Variants in NRXN3 observed in about 807,000 individuals in gnomAD.
NRXN3 encodes the protein neurexin III.
NRXN3 carries 32 observed loss-of-function variants against 137.6 expected under a neutral mutation model. The ratio of observed to expected loss-of-function variants is 0.23; its 90% CI spans 0.18 to 0.31. The LOEUF is 0.31. Ranked by LOEUF, NRXN3 falls within the 10% of genes least tolerant of loss-of-function variation. The pLI is 1.00. For missense variants in NRXN3, 1,574 were observed against 2,062.5 expected (o/e 0.76, Z 4.59); for synonymous variants, 798 against 784.5 (o/e 1.02, Z -0.29).
intron 6 of NRXN3, among the ~76,000 whole-genome samples, chr14:78,669,180 G>A (rs892827945): frequency 2.0e-5 from 3 of 152,126 alleles, no homozygotes; most frequent in Non-Finnish European, 4.4e-5. Context: ...AGAGAGAATA[G>A]CGTCAGTAAA....
intron 6 of NRXN3, among the ~76,000 whole-genome samples, chr14:78,677,342 A>G (rs2098018804): frequency 6.6e-6 from 1 of 152,152 alleles, no homozygotes; most frequent in African/African-American, 2.4e-5. Context: ...TGAGGTTTGG[A>G]AGAAGTTGAT....
intron 15 of NRXN3, among the ~76,000 whole-genome samples, chr14:79,113,109 C>G (rs7141534): frequency 0.054 from 8,294 of 152,202 alleles, 678 homozygotes; most frequent in African/African-American, 0.18. Context: ...CCATTCCTAT[C>G]TTATGCCTGC....
intron 4 of NRXN3, among the ~76,000 whole-genome samples, chr14:78,309,027 A>G (rs1338280501): frequency 6.6e-6 from 1 of 152,130 alleles, no homozygotes; most frequent in Non-Finnish European, 1.5e-5. Flanking sequence ...TGATGAAAGG[A>G]CTGTGAAACT....
chr14:78,500,231 T>C (rs920008377), intron 4 of NRXN3, among the ~76,000 whole-genome samples: 10 of 152,208 alleles, frequency 6.6e-5, no homozygotes, highest in Non-Finnish European at 7.3e-5. Flanking sequence ...TTTTAAGTTT[T>C]CTAGAAATGT....
At chr14:79,406,894 A>G (rs1190425050) in intron 15 of NRXN3, among the ~76,000 whole-genome samples, 2 of 152,194 alleles carry the variant, frequency 1.3e-5, no homozygotes, top group African/African-American at 2.4e-5. Context: ...ATTCACCAGT[A>G]TTACTACAGC....
intron 4 of NRXN3, among the ~76,000 whole-genome samples, chr14:78,506,611 A>G (rs974166192): frequency 2.7e-4 from 39 of 145,792 alleles, no homozygotes; most frequent in African/African-American, 9.9e-4. Context: ...CCACCCTGAC[A>G]GGTGTGAGGT....
chr14:79,448,474 T>C (rs987699281), intron 15 of NRXN3, among the ~76,000 whole-genome samples: 1 of 152,248 alleles, frequency 6.6e-6, no homozygotes, highest in African/African-American at 2.4e-5. Flanking sequence ...CCTGAATGTC[T>C]TTTCAGTACC....
At chr14:78,877,276 C>T (rs2099116100) in intron 10 of NRXN3, among the ~76,000 whole-genome samples, 2 of 152,130 alleles carry the variant, frequency 1.3e-5, no homozygotes, top group Admixed American at 1.3e-4. Flanking sequence ...AGCAAAAGTG[C>T]TTATTTGTAA....
intron 15 of NRXN3, among the ~76,000 whole-genome samples, chr14:79,213,587 G>A (rs529590526): frequency 1.7e-4 from 25 of 151,010 alleles, no homozygotes; most frequent in African/African-American, 4.9e-4. Context: ...GAGCTTTCCT[G>A]ATGGGCCCAA....
chr14:78,489,667 A>C (rs973531144), intron 4 of NRXN3, among the ~76,000 whole-genome samples: 1 of 152,080 alleles, frequency 6.6e-6, no homozygotes, highest in African/African-American at 2.4e-5. Context: ...TCCCCTTCCC[A>C]TGGTAAACAA....
chr14:79,522,270 A>G (rs2097073558), intron 16 of NRXN3, among the ~76,000 whole-genome samples: 1 of 152,146 alleles, frequency 6.6e-6, no homozygotes, highest in Non-Finnish European at 1.5e-5. Flanking sequence ...GATTGCTTCC[A>G]GGACAATAAT....
At chr14:78,785,075 T>A (rs1164086978) in intron 8 of NRXN3, among the ~76,000 whole-genome samples, 1 of 152,050 alleles carries the variant, frequency 6.6e-6, no homozygotes, top group African/African-American at 2.4e-5. Flanking sequence ...GAAATATGAG[T>A]CTAGTCCAAC....
intron 10 of NRXN3, among the ~76,000 whole-genome samples, chr14:78,942,714 G>T (rs1296396519): frequency 1.3e-5 from 2 of 152,056 alleles, no homozygotes; most frequent in African/African-American, 2.4e-5. Context: ...CCAGAGAGCT[G>T]CAGGATACAA....
At chr14:78,586,788 C>T (rs547109821) in intron 4 of NRXN3, among the ~76,000 whole-genome samples, 2 of 152,334 alleles carry the variant, frequency 1.3e-5, no homozygotes, top group South Asian at 4.1e-4. Context: ...CTTTGACAAA[C>T]AGTCTTTATG....
chr14:78,825,067 T>C (rs1027545089), intron 10 of NRXN3, among the ~76,000 whole-genome samples: 2 of 151,916 alleles, frequency 1.3e-5, no homozygotes, highest in African/African-American at 4.8e-5. Context: ...TTTGCACATA[T>C]CAAATTCTAG....
chr14:79,470,408 C>T (rs2096484802), intron 16 of NRXN3, among the ~76,000 whole-genome samples: 1 of 152,146 alleles, frequency 6.6e-6, no homozygotes, highest in South Asian at 2.1e-4. Context: ...GCGAGCACTG[C>T]ATCCTCAGGA....
At chr14:79,059,040 T>G (rs2099670191) in intron 15 of NRXN3, among the ~76,000 whole-genome samples, 1 of 152,138 alleles carries the variant, frequency 6.6e-6, no homozygotes, top group African/African-American at 2.4e-5. Context: ...TAATACAGTA[T>G]GTAAAAATGG....
At chr14:79,322,670 TTAAA>T (rs1454393117) in intron 15 of NRXN3, among the ~76,000 whole-genome samples, 5 of 152,206 alleles carry the variant, frequency 3.3e-5, no homozygotes, top group Non-Finnish European at 2.9e-5. Context: ...AATAAACATA[TTAAA>T]TAAATAAGCA....
At chr14:78,373,556 C>T (rs1312387121) in intron 4 of NRXN3, among the ~76,000 whole-genome samples, 19 of 152,144 alleles carry the variant, frequency 1.2e-4, no homozygotes, top group Admixed American at 1.2e-3. Context: ...TTCATGGAGA[C>T]AGTGCTTGTA....
Sources: allele counts gnomAD v4.1 joint callset (sites outside exome capture counted in the v4.1 genomes callset), GRCh38; gene constraint gnomAD v4.1.1; transcripts MANE v1.5; gene names NCBI Gene and HGNC (gene_info 2026-07-23, HGNC 2026-07-21).